CD1A: variants seen among roughly 807,000 people sequenced by gnomAD.
CD1A encodes the protein CD1a molecule.
A neutral mutation model predicts 38.3 loss-of-function variants in CD1A; 50 were observed. The observed-to-expected ratio is 1.30, with a 90% CI of 1.04 to 1.65. The LOEUF (loss-of-function observed/expected upper bound fraction) is 1.65. Ranked by LOEUF, CD1A falls within the 40% of genes most tolerant of loss-of-function variation. CD1A has a pLI of 0.00. For missense variants in CD1A, 459 were observed against 406.1 expected, an observed-to-expected ratio of 1.13 and a Z score of -1.12; for synonymous variants, 160 against 150.8, an observed-to-expected ratio of 1.06 and a Z score of -0.45.
At chr1:158,253,176 A>G (rs1416888705), upstream of CD1A, among the ~76,000 whole-genome samples, 1 of 152,164 alleles carries the variant, frequency 6.6e-6, no homozygotes, top group African/African-American at 2.4e-5. Context: ...TAGCCCAGAC[A>G]CATTTATATG....
chr1:158,256,980 G>T lies in CD1A; in HGVS notation c.799G>T (p.Glu267Ter). 3.7e-6 allele frequency: 6 copies of T among 1,614,188 alleles called. No homozygotes were observed. Among genetic ancestry groups the T allele is most frequent in the Non-Finnish European group, 4.2e-6 (5 of 1,180,040 alleles). ...DGTWYLRATL[E>*]VAAGEAADLS... ...GACATGGTATCTCCGCGCAACCCTG[G>T]AGGTGGCCGCTGGGGAGGCAGCTGA... The change falls in exon 4 of 6, where the codon GAG becomes TAG. Residue 267 changes from glutamate to a stop codon, truncating the protein, a stop_gained. Transcript: ENST00000289429. LOFTEE classifies it high-confidence loss of function.
upstream of CD1A, chr1:158,254,256 G>T: frequency 5.5e-6 from 6 of 1,083,074 alleles, no homozygotes; most frequent in Non-Finnish European, 6.7e-6. Context: ...GAAAAGGACA[G>T]AGTGATCAAA....
At chr1:158,257,615 C>A (rs1571121882) in intron 5 of CD1A, 66 bp from the exon 6 acceptor site, 1 of 1,582,504 alleles carries the variant, frequency 6.3e-7, no homozygotes, top group African/African-American at 1.3e-5. Flanking sequence ...CAGTCCCCTT[C>A]CCTCTTGCTC....
upstream of CD1A, chr1:158,254,145 G>A (rs555453978): frequency 1.1e-4 from 110 of 981,506 alleles, no homozygotes; most frequent in Middle Eastern, 5.3e-4. Context: ...CAGGGCAGTC[G>A]TAGGAGACTC....
upstream of CD1A, among the ~76,000 whole-genome samples, chr1:158,252,933 TAAA>T (rs1329606413): frequency 6.7e-6 from 1 of 149,766 alleles, no homozygotes; most frequent in Non-Finnish European, 1.5e-5. Flanking sequence ...AAAAAACAAA[TAAA>T]AAAATTATTT....
chr1:158,257,646 T>A (rs750185430), intron 5 of CD1A, 35 bp from the exon 6 acceptor site: 1 of 1,612,604 alleles, frequency 6.2e-7, no homozygotes, highest in Admixed American at 1.7e-5. Context: ...AGCTCCACCT[T>A]ATTCAGAGTG....
chr1:158,256,361 A>C (rs900012051), intron 3 of CD1A, 79 bp downstream of exon 3: 7 of 1,384,032 alleles, frequency 5.1e-6, no homozygotes, highest in Non-Finnish European at 6.9e-6. Context: ...ATTTAGAATA[A>C]GGAAGAGCCA....
At position 158,258,068 on chromosome 1, in the gene CD1A, C is replaced by T. The variant is rs978191178; in HGVS notation, c.*378C>T. ...GCAGTCTCTTCCTGGTCTGAACTCC[C>T]GCCACATTTTAGCCGTACTTTGCTA... On this transcript the variant is annotated 3_prime_UTR_variant, in exon 6 of 6. Transcript: ENST00000289429. 18 of 191,924 alleles carry T rather than the reference C, an allele frequency of 9.4e-5. No homozygotes were observed. Among genetic ancestry groups the T allele is most frequent in the East Asian group, 3.9e-4 (3 of 7,688 alleles). 11.9% of individuals were successfully genotyped at this position (191,924 alleles called of 1,614,324 possible).
chr1:158,257,046 G>C lies in CD1A; in HGVS notation c.865G>C (p.Asp289His), dbSNP rs750143676. Reference sequence around the variant, plus strand: ...GAAGCACAGCAGTCTAGAGGGCCAGGACATCGTCCTCTACTGGGGTGAGAA... The same window carrying C: ...GAAGCACAGCAGTCTAGAGGGCCAGCACATCGTCCTCTACTGGGGTGAGAA... Reference protein sequence around the residue: ...RVKHSSLEGQDIVLYWEHHSS... With the variant: ...RVKHSSLEGQHIVLYWEHHSS... The change falls in exon 4 of 6, where the codon GAC becomes CAC. Residue 289 changes from aspartate (D) to histidine (H), a missense_variant. By Grantham distance (81) the Asp-to-His change is moderately conservative. Transcript: ENST00000289429. 1.1e-5 allele frequency: 17 copies of C among 1,611,620 alleles called. No homozygotes were observed. The highest frequency in any genetic ancestry group is 1.4e-5 in the Non-Finnish European group (17 of 1,178,194).
At chr1:158,254,379 C>A, upstream of CD1A, 2 of 1,241,268 alleles carry the variant, frequency 1.6e-6, no homozygotes, top group Non-Finnish European at 2.0e-6. Context: ...TTTTCAATGC[C>A]ACATCAGACT....
the CD1A span, among the ~76,000 whole-genome samples, chr1:158,249,264 A>C: frequency 3.3e-5 from 5 of 152,348 alleles, no homozygotes; most frequent in East Asian, 9.6e-4. Flanking sequence ...CTGCTACAAC[A>C]GAATACCACA....
At chr1:158,250,872 G>A (rs1444943659), upstream of CD1A, among the ~76,000 whole-genome samples, 1 of 152,176 alleles carries the variant, frequency 6.6e-6, no homozygotes, top group Admixed American at 6.5e-5. Flanking sequence ...ATATCTCTAA[G>A]GTTTTCCCAG....
upstream of CD1A, chr1:158,254,295 G>A: frequency 1.8e-6 from 2 of 1,117,132 alleles, no homozygotes; most frequent in Non-Finnish European, 2.2e-6. Context: ...GCATTGGGCA[G>A]CACACTGGGA....
intron 2 of CD1A, among the ~76,000 whole-genome samples, chr1:158,255,628 A>G (rs1052916011): frequency 3.9e-5 from 6 of 152,132 alleles, no homozygotes; most frequent in Non-Finnish European, 8.8e-5. Context: ...TGCCTGCCCT[A>G]CAACCAGATA....
In CD1A at chr1:158,256,981, AG is replaced by A; in HGVS notation, c.802del (p.Val268TrpfsTer13). The A allele has an allele frequency of 6.2e-7, 1 of 1,614,126 alleles. No homozygotes were observed. ...DGTWYLRATLEVAAGEAADLS... is the reference protein window; with the variant it reads ...DGTWYLRATLXVAAGEAADLS... ...ACATGGTATCTCCGCGCAACCCTGG[AG>A]GTGGCCGCTGGGGAGGCAGCTGACC... On this transcript the variant is annotated frameshift_variant, in exon 4 of 6. Coordinates refer to ENST00000289429, the MANE Select transcript of CD1A (RefSeq NM_001763.3). LOFTEE classifies it high-confidence loss of function.
At chr1:158,254,084 T>C (rs1191572380), upstream of CD1A, 2 of 146,100 alleles carry the variant, frequency 1.4e-5, no homozygotes, top group Admixed American at 1.6e-4. Flanking sequence ...TGATGGTTAC[T>C]GGCTCTTCTC....
At chr1:158,253,213 T>C (rs977785310), upstream of CD1A, among the ~76,000 whole-genome samples, 2 of 152,050 alleles carry the variant, frequency 1.3e-5, no homozygotes, top group African/African-American at 4.8e-5. Flanking sequence ...CACAAACATA[T>C]ATTTAGAAGC....
Position 158,258,102 on chromosome 1 carries a change from C to G in CD1A, c.*412C>G, listed in dbSNP as rs1266150464. The G allele has an allele frequency of 5.7e-6, 1 of 175,450 alleles. No individual in the cohort carries two copies. Among genetic ancestry groups the G allele is most frequent in the Non-Finnish European group, 1.2e-5 (1 of 82,098 alleles). 10.9% of individuals were successfully genotyped at this position (175,450 alleles called of 1,614,324 possible). A position where few individuals can be genotyped will look rare whatever the true frequency, so the allele number is the denominator to read the frequency against. The stretch of plus-strand genomic sequence containing the variant: ...TTAGCCGTACTTTGCTAACTGTGCT[C>G]CTCACTTCCTCTTCTTCATTGCAGT... On this transcript the variant is annotated 3_prime_UTR_variant, in exon 6 of 6. Coordinates refer to ENST00000289429, the MANE Select transcript of CD1A (RefSeq NM_001763.3).
upstream of CD1A, among the ~76,000 whole-genome samples, chr1:158,250,044 C>T (rs113767692): frequency 1.3e-5 from 2 of 152,228 alleles, no homozygotes; most frequent in Non-Finnish European, 2.9e-5. Context: ...GTGGGGATGG[C>T]TAAAGCCAAC....
Sources: allele counts gnomAD v4.1 joint callset (sites outside exome capture counted in the v4.1 genomes callset), GRCh38; gene constraint gnomAD v4.1.1; transcripts MANE v1.5; gene names NCBI Gene and HGNC (gene_info 2026-07-23, HGNC 2026-07-21).